The following NLGN1 variants were observed in gnomAD, a reference collection of about 807,000 sequenced individuals.
NLGN1 encodes neuroligin 1.
A neutral mutation model predicts 65.5 loss-of-function variants in NLGN1; 12 were observed. The observed-to-expected ratio is 0.18, with a 90% CI of 0.12 to 0.30. NLGN1 has a LOEUF of 0.30. NLGN1 is among the 10% of genes least tolerant of loss of function. The probability of loss-of-function intolerance (pLI) is 1.00; values close to 1 mark genes in which losing one functional copy is unlikely to be tolerated. For synonymous variants in NLGN1, 350 were observed against 359.5 expected (o/e 0.97, Z 0.30); for missense variants, 750 against 1,007.1 (o/e 0.74, Z 3.46).
Position 173,713,367 on chromosome 3 carries a change from T to G in NLGN1, c.494-94313T>G, listed in dbSNP as rs117136244. On this transcript the variant is annotated intron_variant, in intron 3 of 6. Coordinates refer to ENST00000457714, the Ensembl canonical transcript of NLGN1. Reference sequence around the variant, plus strand: ...TACATGGCTTCATAACTCGTTCTTTTGTCTTTTAAATTATCTTCATTTTTT... The same window carrying G: ...TACATGGCTTCATAACTCGTTCTTTGGTCTTTTAAATTATCTTCATTTTTT... Among the ~76,000 whole-genome samples the G allele has an allele frequency of 5.5e-4, 84 of 152,258 alleles. No individual in the cohort carries two copies. The East Asian group carries it at 0.015, about 28-fold the overall frequency.
In NLGN1 at chr3:173,828,179, T is replaced by C. The variant is rs540821890; in HGVS notation, c.646+20347T>C. ...TTTTATTCCTGTGATTTAAACTTGA[T>C]AATATATGTATATAATAGCATAATT... On this transcript the variant is annotated intron_variant, in intron 4 of 6. Transcript: ENST00000457714. 7.2e-5 allele frequency among the ~76,000 whole-genome samples: 11 copies of C among 152,322 alleles called. No individual in the cohort carries two copies. The South Asian group carries it at 2.3e-3, about 32-fold the overall frequency.
intron 4 of NLGN1, among the ~76,000 whole-genome samples, chr3:174,063,590 T>C (rs1405451767): frequency 2.0e-5 from 3 of 152,002 alleles, no homozygotes; most frequent in African/African-American, 7.2e-5. Context: ...AAAAATAAAA[T>C]TATGTCATGA....
intron 1 of NLGN1, among the ~76,000 whole-genome samples, chr3:173,409,516 T>A (rs190824501): frequency 6.6e-6 from 1 of 152,216 alleles, no homozygotes; most frequent in Non-Finnish European, 1.5e-5. Flanking sequence ...GTCCATATAT[T>A]TTTTTGCTTA....
intron 4 of NLGN1, among the ~76,000 whole-genome samples, chr3:173,812,591 T>TGTG (rs1718176930): frequency 6.6e-6 from 1 of 151,598 alleles, no homozygotes; most frequent in African/African-American, 2.4e-5. Flanking sequence ...ATTAGCCAGG[T>TGTG]GTGGTGGCAC....
chr3:174,270,184 ATTTTTTT>A (rs10547987), intron 4 of NLGN1, among the ~76,000 whole-genome samples: 1 of 127,886 alleles, frequency 7.8e-6, no homozygotes, highest in Non-Finnish European at 1.7e-5. Flanking sequence ...TTATTTGTTT[ATTTTTTT>A]TTTTTTCCTG....
chr3:173,748,291 G>A (rs1460804589), intron 3 of NLGN1, among the ~76,000 whole-genome samples: 3 of 152,074 alleles, frequency 2.0e-5, no homozygotes, highest in Non-Finnish European at 4.4e-5. Flanking sequence ...TACTCTTGCT[G>A]CTGACTTCCT....
intron 4 of NLGN1, among the ~76,000 whole-genome samples, chr3:174,188,765 T>C (rs563043507): frequency 6.6e-6 from 1 of 152,018 alleles, no homozygotes; most frequent in Non-Finnish European, 1.5e-5. Context: ...ATATAGGTTT[T>C]GATATTCTAT....
At chr3:174,281,308 A>G (rs377660770) in exon 7 of NLGN1, 3 of 1,579,782 alleles carry the variant, frequency 1.9e-6, no homozygotes, top group Non-Finnish European at 2.6e-6. Flanking sequence ...GTATAGCCAG[A>G]TAAGAGAAAC....
At position 174,094,109 on chromosome 3, in the gene NLGN1, G is replaced by A. The variant is rs544457598; in HGVS notation, c.647-181206G>A. ...AGTATAGACTAGATTTAAAGAATTAGTGAGGCTAACCAAAAACTAGTGGTA... is the reference window on the plus strand; with the variant it reads ...AGTATAGACTAGATTTAAAGAATTAATGAGGCTAACCAAAAACTAGTGGTA... On this transcript the variant is annotated intron_variant, in intron 4 of 6. Transcript: ENST00000457714. Among the ~76,000 whole-genome samples, 7 of 152,256 alleles carry A rather than the reference G, an allele frequency of 4.6e-5. No homozygotes were observed. The East Asian group carries it at 1.4e-3, about 29-fold the overall frequency.
intron 2 of NLGN1, among the ~76,000 whole-genome samples, chr3:173,507,264 G>A (rs531562084): frequency 2.0e-5 from 3 of 151,970 alleles, no homozygotes; most frequent in Admixed American, 6.6e-5. Context: ...ACCAAGAACC[G>A]CCCTTAACAT....
At chr3:173,720,675 T>TTA (rs1455210120) in intron 3 of NLGN1, among the ~76,000 whole-genome samples, 1 of 152,196 alleles carries the variant, frequency 6.6e-6, no homozygotes, top group East Asian at 1.9e-4. Context: ...TGAATACATT[T>TTA]TATATATTCC....
At chr3:173,747,365 G>GAT (rs1281382083) in intron 3 of NLGN1, among the ~76,000 whole-genome samples, 4 of 22,156 alleles carry the variant, frequency 1.8e-4, no homozygotes, top group Non-Finnish European at 2.8e-4. Context: ...TATACTTAAA[G>GAT]ATATATATAT....
rs1284483848 is a variant in NLGN1, at chr3:173,415,914, G to T, written c.-390+17427G>T. Among the ~76,000 whole-genome samples the T allele has an allele frequency of 1.3e-3, 165 of 131,010 alleles. 2 individuals carry two copies. Among genetic ancestry groups the T allele is most frequent in the African/African-American group, 6.1e-3 (156 of 25,534 alleles). The allele number at this position is 131,010 out of a possible 152,430, so 85.9% of individuals were successfully genotyped here. A position where few individuals can be genotyped will look rare whatever the true frequency, so the allele number is the denominator to read the frequency against. On this transcript the variant is annotated intron_variant, in intron 1 of 6. Coordinates refer to ENST00000457714, the Ensembl canonical transcript of NLGN1. ...AAATATATATATATATAGAGAGAGAGAGAGGGAGAGAGAGAGAGAGAGAGA... is the reference window on the plus strand; with the variant it reads ...AAATATATATATATATAGAGAGAGATAGAGGGAGAGAGAGAGAGAGAGAGA...
chr3:173,672,918 T>G (rs1427728176), intron 3 of NLGN1, among the ~76,000 whole-genome samples: 1 of 151,926 alleles, frequency 6.6e-6, no homozygotes, highest in Non-Finnish European at 1.5e-5. Flanking sequence ...CTTTAAGGAG[T>G]CACTGTAGGT....
intron 4 of NLGN1, among the ~76,000 whole-genome samples, chr3:174,051,122 A>G (rs935616188): frequency 6.6e-6 from 1 of 152,110 alleles, no homozygotes; most frequent in Non-Finnish European, 1.5e-5. Context: ...GTGCTATTAC[A>G]TTAAGAATTC....
chr3:173,945,113 G>A (rs1422338904), intron 4 of NLGN1, among the ~76,000 whole-genome samples: 1 of 151,768 alleles, frequency 6.6e-6, no homozygotes, highest in African/African-American at 2.4e-5. Flanking sequence ...TCAATAACAT[G>A]GTTTGATAGA....
chr3:173,704,832 T>G (rs953329), intron 3 of NLGN1, among the ~76,000 whole-genome samples: 30,769 of 152,156 alleles, frequency 0.2, 3,311 homozygotes, highest in Admixed American at 0.25. Flanking sequence ...GAAGTTACAG[T>G]AAATCCTATT....
chr3:173,982,243 T>C (rs965112744), intron 4 of NLGN1, among the ~76,000 whole-genome samples: 1 of 152,168 alleles, frequency 6.6e-6, no homozygotes, highest in African/African-American at 2.4e-5. Context: ...GAAGCACTTT[T>C]GTTTCTGAGG....
At chr3:173,787,094 A>G (rs1782105282) in intron 3 of NLGN1, among the ~76,000 whole-genome samples, 3 of 151,240 alleles carry the variant, frequency 2.0e-5, no homozygotes, top group Admixed American at 2.0e-4. Flanking sequence ...AAAAAAAAGA[A>G]GAAAGATATT....
Sources: gnomAD v4.1 joint callset for allele counts (sites outside exome capture counted in the v4.1 genomes callset) on GRCh38, gnomAD v4.1.1 for gene constraint, MANE v1.5 for transcripts, NCBI Gene and HGNC (gene_info 2026-07-23, HGNC 2026-07-21) for gene names.